RNF150: variants seen among roughly 807,000 people sequenced by gnomAD.
RNF150 encodes the protein ring finger protein 150.
Under a neutral mutation model 39.3 loss-of-function variants are expected in RNF150, and 24 were observed. The observed-to-expected ratio is 0.61, with a 90% CI of 0.44 to 0.86. RNF150 has a LOEUF of 0.86. Among genes scored for constraint, RNF150 ranks in the 40% least tolerant of loss-of-function variants. The pLI is 0.00. For missense variants in RNF150, 502 were observed against 587.8 expected, an observed-to-expected ratio of 0.85 and a Z score of 1.51; for synonymous variants, 255 against 227.3, an observed-to-expected ratio of 1.12 and a Z score of -1.10.
intron 1 of RNF150, among the ~76,000 whole-genome samples, chr4:141,187,677 T>C (rs1320877820): frequency 1.3e-5 from 2 of 152,218 alleles, no homozygotes; most frequent in African/African-American, 2.4e-5. Flanking sequence ...TTGCAACCCC[T>C]GCTTTTTTGC....
At chr4:141,122,507 G>C (rs1186122165) in intron 1 of RNF150, among the ~76,000 whole-genome samples, 1 of 152,168 alleles carries the variant, frequency 6.6e-6, no homozygotes, top group Non-Finnish European at 1.5e-5. Context: ...TAAAAGAAAC[G>C]ATAACTGCTC....
At chr4:140,955,987 C>T (rs561776218) in intron 2 of RNF150, among the ~76,000 whole-genome samples, 2 of 152,244 alleles carry the variant, frequency 1.3e-5, no homozygotes, top group African/African-American at 4.8e-5. Flanking sequence ...ATGTCATTAC[C>T]AGGCCTCAAA....
At chr4:141,039,293 T>C (rs1318135246) in intron 1 of RNF150, among the ~76,000 whole-genome samples, 1 of 151,456 alleles carries the variant, frequency 6.6e-6, no homozygotes, top group Non-Finnish European at 1.5e-5. Context: ...TGAAAGTTAG[T>C]GGACAATTTT....
At chr4:140,894,281 G>C (rs190452765) in intron 6 of RNF150, among the ~76,000 whole-genome samples, 14 of 152,328 alleles carry the variant, frequency 9.2e-5, no homozygotes, top group Admixed American at 6.5e-4. Flanking sequence ...TGGTAAAATA[G>C]CTGTGTTTAA....
intron 1 of RNF150, among the ~76,000 whole-genome samples, chr4:141,108,020 G>T (rs1004074404): frequency 2.0e-5 from 3 of 152,042 alleles, no homozygotes; most frequent in Non-Finnish European, 2.9e-5. Flanking sequence ...AACTTCTTCA[G>T]TTCTCCCTCC....
chr4:140,882,271 G>A (rs552474330), intron 6 of RNF150, among the ~76,000 whole-genome samples: 17 of 152,226 alleles, frequency 1.1e-4, no homozygotes, highest in East Asian at 9.7e-4. Flanking sequence ...CACCCGCCTC[G>A]GCCTCCCAGA....
intron 1 of RNF150, among the ~76,000 whole-genome samples, chr4:141,198,666 A>T (rs1377727196): frequency 6.6e-6 from 1 of 152,230 alleles, no homozygotes; most frequent in African/African-American, 2.4e-5. Flanking sequence ...GGGGTTAGAA[A>T]AAGATTCACA....
chr4:141,039,141 C>A (rs2110851646), intron 1 of RNF150, among the ~76,000 whole-genome samples: 1 of 152,160 alleles, frequency 6.6e-6, no homozygotes, highest in East Asian at 1.9e-4. Context: ...AGGAAGAATA[C>A]CTGTGTTTGG....
chr4:141,054,854 T>A (rs1487549135), intron 1 of RNF150, among the ~76,000 whole-genome samples: 1 of 152,284 alleles, frequency 6.6e-6, no homozygotes, highest in South Asian at 2.1e-4. Context: ...TGAGTGCACA[T>A]ATCGAATTGA....
intron 4 of RNF150, among the ~76,000 whole-genome samples, chr4:140,946,102 C>T (rs1560980846): frequency 2.0e-5 from 3 of 152,172 alleles, no homozygotes. Context: ...CTTCAGTTAT[C>T]TCTATTTATG....
intron 1 of RNF150, among the ~76,000 whole-genome samples, chr4:141,105,017 G>A (rs929401227): frequency 1.3e-5 from 2 of 152,096 alleles, no homozygotes; most frequent in East Asian, 3.9e-4. Flanking sequence ...ACTATGCGTT[G>A]CCCTCATTTT....
intron 1 of RNF150, among the ~76,000 whole-genome samples, chr4:141,187,756 A>G (rs955798959): frequency 6.6e-6 from 1 of 152,046 alleles, no homozygotes; most frequent in Non-Finnish European, 1.5e-5. Context: ...TGCATGTGAG[A>G]TGGGTCTCCT....
At chr4:141,076,166 T>C (rs1272657763) in intron 1 of RNF150, among the ~76,000 whole-genome samples, 2 of 152,230 alleles carry the variant, frequency 1.3e-5, no homozygotes, top group African/African-American at 4.8e-5. Context: ...TTCTAAAAGA[T>C]GACATGTACA....
intron 1 of RNF150, among the ~76,000 whole-genome samples, chr4:141,008,498 T>TTTC (rs1734951474): frequency 6.6e-6 from 1 of 152,224 alleles, no homozygotes; most frequent in African/African-American, 2.4e-5. Flanking sequence ...TATCCTAAGG[T>TTTC]TACAAAATAT....
intron 1 of RNF150, among the ~76,000 whole-genome samples, chr4:140,983,066 C>G (rs1733910860): frequency 6.6e-6 from 1 of 152,102 alleles, no homozygotes; most frequent in African/African-American, 2.4e-5. Context: ...TCTTAAGTTT[C>G]TGCAATCAGC....
At chr4:141,108,804 G>C (rs1298911157) in intron 1 of RNF150, among the ~76,000 whole-genome samples, 1 of 152,108 alleles carries the variant, frequency 6.6e-6, no homozygotes, top group African/African-American at 2.4e-5. Context: ...ATCAATAAGA[G>C]ACTTTATTGA....
intron 4 of RNF150, among the ~76,000 whole-genome samples, chr4:140,947,447 G>T (rs553236299): frequency 6.6e-6 from 1 of 152,220 alleles, no homozygotes; most frequent in East Asian, 1.9e-4. Flanking sequence ...GGGGATAGGG[G>T]ATCAGAAAAA....
intron 1 of RNF150, among the ~76,000 whole-genome samples, chr4:141,178,881 C>CTAGAA (rs1727860199): frequency 6.6e-6 from 1 of 151,950 alleles, no homozygotes; most frequent in Admixed American, 6.5e-5. Flanking sequence ...AATATGTGTT[C>CTAGAA]CTACCACCTA....
chr4:140,967,708 A>G lies in RNF150; in HGVS notation c.650T>C (p.Ile217Thr), dbSNP rs1560991288. The change falls in exon 2 of 7, where the codon ATT becomes ACT. Residue 217 changes from isoleucine (I) to threonine (T), a missense_variant. Transcript: ENST00000515673. ...TGCGAGGGAAATGATCATCAGGACA[A>G]TGAAGGAGATGGAGACAAACACAAC... The part of the protein sequence containing the change: ...TSVVFVSISF[I>T]VLMIISLAWL... 3 of 1,613,458 alleles carry G rather than the reference A, an allele frequency of 1.9e-6. No individual in the cohort carries two copies. Among genetic ancestry groups the G allele is most frequent in the Non-Finnish European group, 2.5e-6 (3 of 1,179,630 alleles).
Sources: allele counts gnomAD v4.1 joint callset (sites outside exome capture counted in the v4.1 genomes callset), GRCh38; gene constraint gnomAD v4.1.1; transcripts MANE v1.5; gene names NCBI Gene and HGNC (gene_info 2026-07-23, HGNC 2026-07-21).